The following HTRA1 variants were observed in gnomAD, a reference collection of about 807,000 sequenced individuals.
The protein encoded by HTRA1 is HtrA serine peptidase 1, also known as serine protease HTRA1.
Under a neutral mutation model 49.7 loss-of-function variants are expected in HTRA1, and 26 were observed. The ratio of observed to expected loss-of-function variants is 0.52; its 90% CI spans 0.38 to 0.73. HTRA1 has a LOEUF of 0.73. HTRA1 is among the 30% of genes least tolerant of loss of function. HTRA1 has a pLI of 0.00. For synonymous variants in HTRA1, 291 were observed against 286.9 expected (o/e 1.01, Z -0.14); for missense variants, 561 against 667.2 (o/e 0.84, Z 1.75).
Position 122,511,989 on chromosome 10 carries a change from G to A in HTRA1, c.1198G>A (p.Asp400Asn). The change falls in exon 8 of 9, where the codon GAC becomes AAC. Residue 400 changes from aspartate (D) to asparagine (N), a missense_variant. By Grantham distance (23) the Asp-to-Asn change is conservative (BLOSUM62 1). Coordinates refer to ENST00000368984, the MANE Select transcript of HTRA1 (RefSeq NM_002775.5). ...LTSSKAKELK[D>N]RHRDFPDVIS... ...GAGCAGCAAAGCCAAAGAGCTGAAGGACCGGCACCGGGACTTCCCAGACGT... is the reference window on the plus strand; with the variant it reads ...GAGCAGCAAAGCCAAAGAGCTGAAGAACCGGCACCGGGACTTCCCAGACGT... 6.2e-7 allele frequency: 1 copy of A among 1,613,930 alleles called. No homozygotes were observed. The highest frequency in any genetic ancestry group is 1.1e-5 in the South Asian group (1 of 91,062).
At chr10:122,469,566 A>G (rs1387481077) in intron 1 of HTRA1, among the ~76,000 whole-genome samples, 2 of 152,208 alleles carry the variant, frequency 1.3e-5, no homozygotes, top group African/African-American at 4.8e-5. Flanking sequence ...CATCAAACAG[A>G]ACAGTGACCC....
intron 1 of HTRA1, among the ~76,000 whole-genome samples, chr10:122,467,904 G>T (rs149607429): frequency 6.6e-6 from 1 of 152,180 alleles, no homozygotes; most frequent in East Asian, 1.9e-4. Context: ...ACTTGGTGAC[G>T]TGTGCCTAGA....
intron 3 of HTRA1, among the ~76,000 whole-genome samples, chr10:122,502,525 C>T (rs959056674): frequency 5.9e-5 from 9 of 152,152 alleles, no homozygotes; most frequent in African/African-American, 9.7e-5. Context: ...CCTGGATGGC[C>T]GTCTAGGACA....
At chr10:122,504,579 C>T (rs190459815) in intron 3 of HTRA1, among the ~76,000 whole-genome samples, 30 of 152,294 alleles carry the variant, frequency 2.0e-4, no homozygotes, top group African/African-American at 6.5e-4. Flanking sequence ...CTTTACCTGT[C>T]GCAAGCCCAG....
rs2133454797 is a variant in HTRA1, at chr10:122,514,323, C to T, written c.1407C>T (p.Ile469=). The T allele has an allele frequency of 1.9e-6, 3 of 1,614,150 alleles. No homozygotes were observed. Among genetic ancestry groups the T allele is most frequent in the Non-Finnish European group, 2.5e-6 (3 of 1,180,022 alleles). The change falls in exon 9 of 9, where the codon ATC becomes ATT. Residue 469 remains isoleucine, a synonymous_variant. Coordinates refer to ENST00000368984, the MANE Select transcript of HTRA1 (RefSeq NM_002775.5). ...NMVVRRGNED[I]MITVIPEEID... Reference sequence around the variant, plus strand: ...TGGTCCGCAGGGGTAATGAAGATATCATGATCACAGTGATTCCCGAAGAAA... The same window carrying T: ...TGGTCCGCAGGGGTAATGAAGATATTATGATCACAGTGATTCCCGAAGAAA...
At chr10:122,477,411 G>A (rs906536350) in intron 1 of HTRA1, among the ~76,000 whole-genome samples, 4 of 152,170 alleles carry the variant, frequency 2.6e-5, no homozygotes, top group Non-Finnish European at 5.9e-5. Context: ...GGGTGTCACT[G>A]GATTCTGGAC....
At chr10:122,508,973 A>G (rs2097504385) in intron 6 of HTRA1, among the ~76,000 whole-genome samples, 1 of 152,220 alleles carries the variant, frequency 6.6e-6, no homozygotes. Context: ...TGATCATGGC[A>G]ATGTCACTTG....
chr10:122,482,302 G>T (rs1312969960), intron 1 of HTRA1, among the ~76,000 whole-genome samples: 1 of 152,102 alleles, frequency 6.6e-6, no homozygotes, highest in Non-Finnish European at 1.5e-5. Context: ...TGTGGTACAT[G>T]CTTTTTATCA....
chr10:122,511,234 G>T (rs1276274701), intron 7 of HTRA1, among the ~76,000 whole-genome samples: 1 of 152,132 alleles, frequency 6.6e-6, no homozygotes, highest in African/African-American at 2.4e-5. Context: ...GCCTTACTGG[G>T]ATGATCTCAT....
At chr10:122,463,677 G>T (rs1486367584) in intron 1 of HTRA1, among the ~76,000 whole-genome samples, 1 of 152,136 alleles carries the variant, frequency 6.6e-6, no homozygotes, top group African/African-American at 2.4e-5. Flanking sequence ...TCTCATTCCC[G>T]TTTTACAGAT....
chr10:122,472,382 T>A (rs1356579095), intron 1 of HTRA1, among the ~76,000 whole-genome samples: 1 of 130,438 alleles, frequency 7.7e-6, no homozygotes, highest in East Asian at 2.8e-4. Flanking sequence ...TTATTATTAT[T>A]ATTATTATTA....
chr10:122,507,270 C>T, intron 4 of HTRA1, 100 bp from the exon 5 acceptor site: 1 of 928,922 alleles, frequency 1.1e-6, no homozygotes, highest in Non-Finnish European at 1.8e-6. Context: ...AATCGTGCCC[C>T]CCACTCTAGG....
chr10:122,480,418 C>T (rs1317196545), intron 1 of HTRA1, among the ~76,000 whole-genome samples: 2 of 152,146 alleles, frequency 1.3e-5, no homozygotes, highest in Non-Finnish European at 2.9e-5. Context: ...CAGGGTCCTG[C>T]AGGGGCAATG....
At chr10:122,503,789 C>T (rs903376723) in intron 3 of HTRA1, among the ~76,000 whole-genome samples, 2 of 152,150 alleles carry the variant, frequency 1.3e-5, no homozygotes, top group African/African-American at 2.4e-5. Flanking sequence ...CTCCCCACTC[C>T]GCCGCATGTG....
chr10:122,486,476 A>AGG (rs1405225149), intron 1 of HTRA1, among the ~76,000 whole-genome samples: 2 of 152,238 alleles, frequency 1.3e-5, no homozygotes, highest in African/African-American at 4.8e-5. Flanking sequence ...GTCAGGGGCT[A>AGG]GGACAGAAAA....
chr10:122,471,175 A>T (rs1323478812), intron 1 of HTRA1, among the ~76,000 whole-genome samples: 1 of 152,220 alleles, frequency 6.6e-6, no homozygotes, highest in African/African-American at 2.4e-5. Context: ...TTCAGATCCC[A>T]GTCTGACCTT....
intron 3 of HTRA1, among the ~76,000 whole-genome samples, chr10:122,499,541 A>G (rs561880869): frequency 6.6e-6 from 1 of 152,260 alleles, no homozygotes; most frequent in East Asian, 1.9e-4. Context: ...CTGAGTCCAC[A>G]GTCCGCTGAC....
At chr10:122,513,893 CTTTT>C (rs11295304) in intron 8 of HTRA1, among the ~76,000 whole-genome samples, 13 of 130,052 alleles carry the variant, frequency 1.0e-4, no homozygotes, top group African/African-American at 3.2e-4. Flanking sequence ...AAACCTGGCT[CTTTT>C]TTTTTTTTTT....
chr10:122,506,669 A>G lies in HTRA1; in HGVS notation c.778-22A>G, dbSNP rs1344646295. On this transcript the variant is annotated intron_variant, in intron 3 of 8. Transcript: ENST00000368984. This position sits in a 1 kb window ranked among gnomAD's most constrained non-coding sequence, Gnocchi z 5.2. ...TTGGTTAAATTAAACCAACTCAGCA[A>G]CGCCAGCCATTGTGGTTTCAGGGCA... 6.2e-7 allele frequency: 1 copy of G among 1,607,444 alleles called. No individual in the cohort carries two copies. The highest frequency in any genetic ancestry group is 8.5e-7 in the Non-Finnish European group (1 of 1,177,968).
Sources: allele counts gnomAD v4.1 joint callset (sites outside exome capture counted in the v4.1 genomes callset), GRCh38; gene constraint gnomAD v4.1.1; non-coding constraint Gnocchi (gnomAD v3.1); transcripts MANE v1.5; gene names NCBI Gene and HGNC (gene_info 2026-07-23, HGNC 2026-07-21).